Variants in LRP1B observed in about 807,000 individuals in gnomAD.
LRP1B encodes the protein LDL receptor related protein 1B.
In LRP1B, 217 loss-of-function variants were observed where a neutral mutation model predicts 556.6. The observed-to-expected ratio is 0.39, with a 90% confidence interval of 0.35 to 0.44. The LOEUF is 0.44. Ranked by LOEUF, LRP1B falls within the 20% of genes least tolerant of loss-of-function variation. The pLI, the probability that LRP1B is intolerant of heterozygous loss-of-function variation, is 1.00. For missense variants in LRP1B, 5,053 were observed against 5,620.8 expected, an observed-to-expected ratio of 0.90 and a Z score of 3.23; for synonymous variants, 2,047 against 1,865.8, an observed-to-expected ratio of 1.10 and a Z score of -2.50.
At chr2:141,394,551 C>T (rs928157643) in intron 3 of LRP1B, among the ~76,000 whole-genome samples, 46 of 152,130 alleles carry the variant, frequency 3.0e-4, no homozygotes, top group Non-Finnish European at 5.4e-4. Context: ...GGTAGAATCA[C>T]CCAGCTTCAA....
At chr2:140,240,988 A>G (rs1448357592) in intron 87 of LRP1B, among the ~76,000 whole-genome samples, 1 of 150,944 alleles carries the variant, frequency 6.6e-6, no homozygotes, top group Non-Finnish European at 1.5e-5. Context: ...CATTAAGAAA[A>G]TTTCATGTAT....
At chr2:140,792,632 GA>G (rs1690163217) in intron 32 of LRP1B, among the ~76,000 whole-genome samples, 2 of 152,236 alleles carry the variant, frequency 1.3e-5, no homozygotes, top group South Asian at 4.1e-4. Context: ...TGGCAGTCAT[GA>G]TGGAGAAGTT....
At chr2:141,544,341 T>C (rs868811238) in intron 2 of LRP1B, among the ~76,000 whole-genome samples, 1,116 of 71,200 alleles carry the variant, frequency 0.016, 1 homozygote, top group African/African-American at 0.064. Context: ...CTTCTTCTTC[T>C]TCTTCTTCTT....
intron 1 of LRP1B, among the ~76,000 whole-genome samples, chr2:141,976,505 T>TG (rs970702189): frequency 9.2e-5 from 14 of 152,098 alleles, no homozygotes; most frequent in African/African-American, 3.1e-4. Flanking sequence ...TCTGCTTTAG[T>TG]GGGGGGTCAC....
At chr2:141,682,888 G>A (rs1321893886) in intron 2 of LRP1B, among the ~76,000 whole-genome samples, 2 of 152,102 alleles carry the variant, frequency 1.3e-5, no homozygotes, top group East Asian at 3.9e-4. Flanking sequence ...ACTTTACCAT[G>A]CTCCTCTGTT....
At chr2:140,741,953 T>G (rs536527070) in intron 35 of LRP1B, among the ~76,000 whole-genome samples, 82 of 152,330 alleles carry the variant, frequency 5.4e-4, no homozygotes, top group African/African-American at 1.9e-3. Flanking sequence ...TTCTTTGTTA[T>G]GGCTGCATCA....
chr2:141,167,776 T>C (rs1020322356), intron 7 of LRP1B, among the ~76,000 whole-genome samples: 1 of 151,982 alleles, frequency 6.6e-6, no homozygotes. Flanking sequence ...TCATAATCAT[T>C]TCAGAAGCTT....
intron 68 of LRP1B, among the ~76,000 whole-genome samples, chr2:140,375,171 G>GTA (rs929909468): frequency 1.6e-5 from 2 of 125,334 alleles, no homozygotes; most frequent in South Asian, 2.5e-4. Context: ...TATACTGTGT[G>GTA]TATGTGTGTG....
chr2:141,769,519 G>C (rs1365935091), intron 2 of LRP1B, among the ~76,000 whole-genome samples: 1 of 152,118 alleles, frequency 6.6e-6, no homozygotes, highest in African/African-American at 2.4e-5. Context: ...TCAGAGGAAA[G>C]ATTTAGGGCA....
chr2:141,246,079 T>C (rs1223439353), intron 5 of LRP1B, among the ~76,000 whole-genome samples: 1 of 152,190 alleles, frequency 6.6e-6, no homozygotes, highest in Non-Finnish European at 1.5e-5. Flanking sequence ...TAATTTCAAA[T>C]GGCAATGCTA....
chr2:141,331,416 C>T (rs1341831335), intron 3 of LRP1B, among the ~76,000 whole-genome samples: 1 of 152,152 alleles, frequency 6.6e-6, no homozygotes, highest in Non-Finnish European at 1.5e-5. Flanking sequence ...TGGGAATTGG[C>T]AGATGTACAT....
At chr2:140,969,835 GTTGAATA>G (rs1558771848) in intron 18 of LRP1B, among the ~76,000 whole-genome samples, 1 of 152,158 alleles carries the variant, frequency 6.6e-6, no homozygotes, top group Non-Finnish European at 1.5e-5. Flanking sequence ...TTTTAAGAAT[GTTGAATA>G]TTGGCCCCCA....
chr2:140,279,629 ATACTTCATTGG>A (rs1231384680), intron 84 of LRP1B, among the ~76,000 whole-genome samples: 1 of 151,966 alleles, frequency 6.6e-6, no homozygotes, highest in Non-Finnish European at 1.5e-5. Flanking sequence ...AATAAAATGA[ATACTTCATTGG>A]TACTTAGCCC....
At chr2:141,233,271 C>T in intron 5 of LRP1B, among the ~76,000 whole-genome samples, 1 of 152,112 alleles carries the variant, frequency 6.6e-6, no homozygotes, top group South Asian at 2.1e-4. Flanking sequence ...ACTTAGAGAA[C>T]CAAGACTTTG....
At position 140,264,702 on chromosome 2, in the gene LRP1B, A is replaced by ATGTGTGTGTGTG. The variant is rs3033314; in HGVS notation, c.13247+5528_13247+5539dup. ...TGACAAAAAAAAAAATTGTCTATATATGTGTGTGTGTGTGTGTGTGTGTGT... is the reference window on the plus strand; with the variant it reads ...TGACAAAAAAAAAAATTGTCTATATATGTGTGTGTGTGTGTGTGTGTGTGTGTGTGTGTGTGT... On this transcript the variant is annotated intron_variant, in intron 86 of 90. Transcript: ENST00000389484. Among the ~76,000 whole-genome samples the ATGTGTGTGTGTG allele has an allele frequency of 1.1e-4, 17 of 148,970 alleles. No homozygotes were observed. In the East Asian group the frequency reaches 2.2e-3, roughly 19 times the overall value.
chr2:141,267,936 A>G (rs1684951537), intron 3 of LRP1B, among the ~76,000 whole-genome samples: 1 of 152,192 alleles, frequency 6.6e-6, no homozygotes, highest in Admixed American at 6.5e-5. Flanking sequence ...TATTGCTAGC[A>G]AAATTTTGAT....
intron 7 of LRP1B, among the ~76,000 whole-genome samples, chr2:141,172,545 T>A (rs1680546380): frequency 1.3e-5 from 2 of 152,070 alleles, no homozygotes. Flanking sequence ...TTAATCACAA[T>A]CATACTTTAG....
intron 1 of LRP1B, among the ~76,000 whole-genome samples, chr2:141,899,778 G>A (rs1288109537): frequency 6.6e-6 from 1 of 152,072 alleles, no homozygotes; most frequent in Non-Finnish European, 1.5e-5. Context: ...ATCAAAATGT[G>A]ACACTGCACC....
intron 66 of LRP1B, among the ~76,000 whole-genome samples, chr2:140,397,127 ATC>A (rs1265764858): frequency 3.9e-5 from 6 of 152,076 alleles, no homozygotes; most frequent in Admixed American, 2.0e-4. Context: ...TGATTTTATT[ATC>A]TGTTTTTATT....
Sources: allele counts gnomAD v4.1 joint callset (sites outside exome capture counted in the v4.1 genomes callset), GRCh38; gene constraint gnomAD v4.1.1; transcripts MANE v1.5; gene names NCBI Gene and HGNC (gene_info 2026-07-23, HGNC 2026-07-21).